The following KBTBD3 variants were observed in gnomAD, a reference collection of about 807,000 sequenced individuals.
KBTBD3 encodes kelch repeat and BTB domain-containing protein 3.
Under a neutral mutation model 49.6 loss-of-function variants are expected in KBTBD3, and 38 were observed. The ratio of observed to expected loss-of-function variants is 0.77; its 90% CI spans 0.59 to 1.00. The LOEUF is 1.00. Among genes scored for constraint, KBTBD3 ranks in the 50% least tolerant of loss-of-function variants. The pLI, the probability that KBTBD3 is intolerant of heterozygous loss-of-function variation, is 0.00. For synonymous variants in KBTBD3, 214 were observed against 250.4 expected (o/e 0.85, Z 1.37); for missense variants, 661 against 712.0 (o/e 0.93, Z 0.81).
intron 3 of KBTBD3, among the ~76,000 whole-genome samples, chr11:106,058,573 G>A (rs1445957885): frequency 6.6e-6 from 1 of 151,742 alleles, no homozygotes; most frequent in African/African-American, 2.4e-5. Flanking sequence ...ACAGGCGCAC[G>A]CCATTGCGAC....
intron 2 of KBTBD3, among the ~76,000 whole-genome samples, chr11:106,074,453 A>C (rs1860990330): frequency 1.3e-5 from 2 of 152,102 alleles, no homozygotes; most frequent in South Asian, 4.1e-4. Flanking sequence ...CTCTCTCCTC[A>C]TCTTATTTCA....
At chr11:106,059,151 G>A in intron 2 of KBTBD3, 42 bp from the exon 3 acceptor site, 2 of 1,157,162 alleles carry the variant, frequency 1.7e-6, no homozygotes, top group Non-Finnish European at 2.4e-6. Context: ...GAGACCTAAT[G>A]CAAGTTTCAG....
chr11:106,070,778 T>C (rs1437669481), intron 2 of KBTBD3, among the ~76,000 whole-genome samples: 2 of 152,110 alleles, frequency 1.3e-5, no homozygotes, highest in African/African-American at 4.8e-5. Flanking sequence ...ATGCTTCATT[T>C]GTATAGCCAA....
At chr11:106,066,689 G>A (rs182809219) in intron 2 of KBTBD3, among the ~76,000 whole-genome samples, 28 of 148,966 alleles carry the variant, frequency 1.9e-4, no homozygotes, top group South Asian at 1.1e-3. Context: ...GTGCCACAGA[G>A]TTCACATAGT....
Position 106,052,763 on chromosome 11 carries a change from T to C in KBTBD3, c.*87A>G. 9.7e-7 allele frequency: 1 copy of C among 1,033,560 alleles called. No individual in the cohort carries two copies. Among genetic ancestry groups the C allele is most frequent in the South Asian group, 1.6e-5 (1 of 62,034 alleles). 64.0% of individuals were successfully genotyped at this position (1,033,560 alleles called of 1,614,324 possible). On this transcript the variant is annotated 3_prime_UTR_variant, in exon 4 of 4. Transcript: ENST00000531837. ...ATAACTAAAAGCAGGAATGTTTTAT[T>C]TCATTAAGATGTATAGATCTTTTTA... is the stretch of plus-strand genomic sequence containing the variant.
At chr11:106,064,761 G>A (rs999971417) in intron 2 of KBTBD3, among the ~76,000 whole-genome samples, 6 of 151,974 alleles carry the variant, frequency 3.9e-5, no homozygotes, top group Non-Finnish European at 4.4e-5. Context: ...TGATGAGCTC[G>A]GGCATCCATA....
At chr11:106,071,016 C>A (rs1860906631) in intron 2 of KBTBD3, among the ~76,000 whole-genome samples, 1 of 152,052 alleles carries the variant, frequency 6.6e-6, no homozygotes, top group South Asian at 2.1e-4. Flanking sequence ...TATGTATGCA[C>A]CCATATGGGG....
At position 106,053,839 on chromosome 11, in the gene KBTBD3, G is replaced by A. The variant is rs367768045; in HGVS notation, c.850C>T (p.Leu284Phe). The change falls in exon 4 of 4, where the codon CTC (leucine) becomes TTC (phenylalanine). Residue 284 changes from leucine (L) to phenylalanine (F), a missense_variant. Transcript: ENST00000531837. ...AIKCVQGSGG[L>F]FPDARPSTTE... ...GTGGATGGTCGAGCATCAGGGAAGA[G>A]TCCACCAGAACCTTGCACACACTTA... The A allele has an allele frequency of 1.9e-6, 3 of 1,613,842 alleles. No individual in the cohort carries two copies. The highest frequency in any genetic ancestry group is 2.5e-6 in the Non-Finnish European group (3 of 1,179,914).
chr11:106,072,345 A>G (rs557486440), intron 2 of KBTBD3, among the ~76,000 whole-genome samples: 29 of 152,318 alleles, frequency 1.9e-4, no homozygotes, highest in African/African-American at 6.7e-4. Context: ...CTTTGTATGT[A>G]GGTGCAAGGG....
chr11:106,053,117 A>G lies in KBTBD3; in HGVS notation c.1572T>C (p.Phe524=). 1 of 1,613,726 alleles carries G rather than the reference A, an allele frequency of 6.2e-7. No homozygotes were observed. Among genetic ancestry groups the G allele is most frequent in the Non-Finnish European group, 8.5e-7 (1 of 1,179,790 alleles). The change falls in exon 4 of 4, where the codon TTT becomes TTC. Residue 524 remains phenylalanine, a synonymous_variant. Transcript: ENST00000531837. The stretch of plus-strand genomic sequence containing the variant: ...CTTTCCAAACACAAGTGTCTGGACA[A>G]AAACTATAAACCTTATAGGTGGAAA... ...CDLSTYKVYS[F]CPDTCVWKGE... is the part of the protein sequence containing the mutation.
chr11:106,068,968 T>C (rs1421759211), intron 2 of KBTBD3, among the ~76,000 whole-genome samples: 1 of 152,094 alleles, frequency 6.6e-6, no homozygotes, highest in Admixed American at 6.6e-5. Context: ...CCATATCAAC[T>C]GATGCATAAA....
chr11:106,060,225 C>A (rs1170000867), intron 2 of KBTBD3, among the ~76,000 whole-genome samples: 2 of 150,948 alleles, frequency 1.3e-5, no homozygotes, highest in Admixed American at 6.6e-5. Context: ...TAACTATATT[C>A]GATATATCTA....
intron 3 of KBTBD3, 185 bp downstream of exon 3, chr11:106,058,680 T>C (rs980241431): frequency 1.9e-6 from 1 of 540,286 alleles, no homozygotes; most frequent in Non-Finnish European, 3.2e-6. Flanking sequence ...CGCCTTGGCC[T>C]CTTAGGGTGT....
At chr11:106,057,868 G>C (rs773269591) in intron 3 of KBTBD3, 75 of 376,824 alleles carry the variant, frequency 2.0e-4, no homozygotes, top group Non-Finnish European at 3.3e-5. Context: ...TTCTTTTCTC[G>C]CAGAGTTATT....
chr11:106,057,467 T>C (rs1244582876), intron 3 of KBTBD3: 1 of 152,210 alleles, frequency 6.6e-6, no homozygotes, highest in African/African-American at 2.4e-5. Context: ...CTAGGAAGGC[T>C]GAAGATCAGG....
At chr11:106,074,996 TAG>T (rs1861000479) in intron 2 of KBTBD3, among the ~76,000 whole-genome samples, 1 of 152,180 alleles carries the variant, frequency 6.6e-6, no homozygotes, top group Non-Finnish European at 1.5e-5. Context: ...CACCTAGACT[TAG>T]AGATGATCTC....
chr11:106,053,202 A>C lies in KBTBD3; in HGVS notation c.1487T>G (p.Phe496Cys). 1 of 1,613,660 alleles carries C rather than the reference A, an allele frequency of 6.2e-7. No homozygotes were observed. The highest frequency in any genetic ancestry group is 8.5e-7 in the Non-Finnish European group (1 of 1,179,824). The change falls in exon 4 of 4, where the codon TTT becomes TGT. Residue 496 changes from phenylalanine (F) to cysteine (C), a missense_variant. Physicochemically the swap from Phe to Cys is radical, Grantham distance 205. Coordinates refer to ENST00000531837, the MANE Select transcript of KBTBD3 (RefSeq NM_198439.3). ...AGCTTTAATTAATGTTGCATGAAAAAATTGCCCAAACTCTGCTACTAGTTC... is the reference window on the plus strand; with the variant it reads ...AGCTTTAATTAATGTTGCATGAAAACATTGCCCAAACTCTGCTACTAGTTC... Reference protein sequence around the residue: ...WSELVAEFGQFFHATLIKAVP... With the variant: ...WSELVAEFGQCFHATLIKAVP...
intron 3 of KBTBD3, among the ~76,000 whole-genome samples, chr11:106,055,328 G>A (rs1185747003): frequency 3.3e-5 from 5 of 152,092 alleles, no homozygotes; most frequent in African/African-American, 1.2e-4. Flanking sequence ...ATTTGTATTT[G>A]TGCCAGTATT....
intron 2 of KBTBD3, among the ~76,000 whole-genome samples, 195 bp from the exon 3 acceptor site, chr11:106,059,304 A>T (rs1860633235): frequency 1.3e-5 from 2 of 152,198 alleles, no homozygotes; most frequent in South Asian, 2.1e-4. Flanking sequence ...TGTTGAGCTC[A>T]TTGGAATAAA....
Sources: allele counts gnomAD v4.1 joint callset (sites outside exome capture counted in the v4.1 genomes callset), GRCh38; gene constraint gnomAD v4.1.1; transcripts MANE v1.5; gene names NCBI Gene and HGNC (gene_info 2026-07-23, HGNC 2026-07-21).